GRIP2: variants seen among roughly 807,000 people sequenced by gnomAD.
GRIP2 encodes the protein glutamate receptor interacting protein 2.
In GRIP2, 58 loss-of-function variants were observed where a neutral mutation model predicts 108.3. The observed-to-expected ratio is 0.54, with a 90% CI of 0.43 to 0.67. GRIP2 has a LOEUF of 0.67. Ranked by LOEUF, GRIP2 falls within the 30% of genes least tolerant of loss-of-function variation. The pLI is 0.00. For missense variants in GRIP2, 1,278 were observed against 1,430.6 expected (o/e 0.89, Z 1.72); for synonymous variants, 586 against 598.2 (o/e 0.98, Z 0.30).
upstream of GRIP2, among the ~76,000 whole-genome samples, chr3:14,557,866 T>C (rs1349470872): frequency 6.6e-6 from 1 of 152,216 alleles, no homozygotes; most frequent in African/African-American, 2.4e-5. Flanking sequence ...TGCCTTAGTT[T>C]CCTCATCTGA....
intron 1 of GRIP2, among the ~76,000 whole-genome samples, chr3:14,549,317 C>T (rs1695105985): frequency 6.6e-6 from 1 of 152,208 alleles, no homozygotes; most frequent in Admixed American, 6.5e-5. Flanking sequence ...GAGCAGCCCA[C>T]CCTATTCCTG....
the GRIP2 span, among the ~76,000 whole-genome samples, chr3:14,564,778 T>TC: frequency 6.6e-6 from 1 of 152,152 alleles, no homozygotes; most frequent in Non-Finnish European, 1.5e-5. Flanking sequence ...TTAACCTTCT[T>TC]CAACACCCCA....
Position 14,514,413 on chromosome 3 carries a change from C to A in GRIP2, c.1372G>T (p.Val458Leu), listed in dbSNP as rs775435144. The A allele has an allele frequency of 6.3e-7, 1 of 1,575,066 alleles. No individual in the cohort carries two copies. The highest frequency in any genetic ancestry group is 8.6e-7 in the Non-Finnish European group (1 of 1,161,790). The change falls in exon 12 of 24, where the codon GTG (valine) becomes TTG (leucine). Residue 458 changes from valine (V) to leucine (L), a missense_variant. Physicochemically the swap from Val to Leu is conservative, Grantham distance 32 (BLOSUM62 1). Coordinates refer to ENST00000621039, the MANE Select transcript of GRIP2 (RefSeq NM_001080423.4). The part of the protein sequence containing the change: ...QIVHTETTEV[V>L]LCGDPLSGFG... ...CCGCTGAGGGGGTCTCCACAGAGCA[C>A]GACCTCCGTGGTCTCCGTGTGCACA...
chr3:14,572,408 C>G, the GRIP2 span, among the ~76,000 whole-genome samples: 1 of 151,198 alleles, frequency 6.6e-6, no homozygotes, highest in Admixed American at 6.6e-5. Flanking sequence ...GTCAGGAGAT[C>G]GAGACCATCC....
rs781405460 is a variant in GRIP2 at position 14,494,910 on chromosome 3, A to G, written c.2903T>C (p.Val968Ala). 1.2e-6 allele frequency: 2 copies of G among 1,613,948 alleles called. No homozygotes were observed. The highest frequency in any genetic ancestry group is 4.5e-5 in the East Asian group (2 of 44,868). The change falls in exon 23 of 24, where the codon GTC becomes GCC. Residue 968 changes from valine to alanine, a missense_variant. Coordinates refer to ENST00000621039, the MANE Select transcript of GRIP2 (RefSeq NM_001080423.4). ...SDGLLEKGVYVHTVRPDGPAH... is the reference protein window; with the variant it reads ...SDGLLEKGVYAHTVRPDGPAH... The stretch of plus-strand genomic sequence containing the variant: ...TGGCCCATCAGGGCGCACAGTGTGG[A>G]CATAGACACCTTTTTCCAGGAGGCC...
chr3:14,500,536 G>T (rs1333054879), intron 21 of GRIP2, among the ~76,000 whole-genome samples: 1 of 152,060 alleles, frequency 6.6e-6, no homozygotes, highest in East Asian at 1.9e-4. Context: ...AACCTAACAG[G>T]AGCAACGATC....
Position 14,511,325 on chromosome 3 carries a change from G to T in GRIP2, c.1788-15C>A, listed in dbSNP as rs375530470. ...GGGTGCCCGTCCTGCATGAGTCGGG[G>T]GCAGAGGGGATGGAAGGAGCCTGGT... On this transcript the variant is annotated splice_polypyrimidine_tract_variant and intron_variant, in intron 15 of 23. Coordinates refer to ENST00000621039, the MANE Select transcript of GRIP2 (RefSeq NM_001080423.4). This position sits in a 1 kb window ranked among gnomAD's most constrained non-coding sequence, Gnocchi z 4.1. 790 of 1,613,978 alleles carry T rather than the reference G, an allele frequency of 4.9e-4. 6 individuals carry two copies. In the African/African-American group the frequency reaches 9.7e-3, roughly 20 times the overall value.
intron 1 of GRIP2, among the ~76,000 whole-genome samples, chr3:14,529,321 T>C (rs1448814353): frequency 6.6e-6 from 1 of 150,546 alleles, no homozygotes; most frequent in Non-Finnish European, 1.5e-5. Flanking sequence ...ACTTGTATAA[T>C]GAATTGGTAT....
chr3:14,570,594 C>T, the GRIP2 span, among the ~76,000 whole-genome samples: 2 of 152,254 alleles, frequency 1.3e-5, 1 homozygote, highest in South Asian at 4.1e-4. Context: ...AGCAATTTCA[C>T]ACATTGCCAC....
chr3:14,598,456 A>G, the GRIP2 span, among the ~76,000 whole-genome samples: 1 of 151,546 alleles, frequency 6.6e-6, no homozygotes, highest in Non-Finnish European at 1.5e-5. Flanking sequence ...CCCCACCCCA[A>G]CCCAAGACTT....
At position 14,522,988 on chromosome 3, in the gene GRIP2, G is replaced by A. The variant is rs1694455260; in HGVS notation, c.566+12C>T. The stretch of plus-strand genomic sequence containing the variant: ...TCAGTGCAGTGTGTGGATTTCTTCT[G>A]CCTCGGCTCACCTGTCGGCAGGGCC... On this transcript the variant is annotated intron_variant, in intron 6 of 23. Coordinates refer to ENST00000621039, the MANE Select transcript of GRIP2 (RefSeq NM_001080423.4). The surrounding 1 kb of genome is among the most constrained non-coding windows in gnomAD (Gnocchi z 4.3). The A allele has an allele frequency of 6.2e-7, 1 of 1,612,798 alleles. No homozygotes were observed. The highest frequency in any genetic ancestry group is 8.5e-7 in the Non-Finnish European group (1 of 1,179,044).
intron 17 of GRIP2, among the ~76,000 whole-genome samples, chr3:14,509,391 C>T (rs2124879474): frequency 6.6e-6 from 1 of 152,368 alleles, no homozygotes; most frequent in South Asian, 2.1e-4. Context: ...TCAGCTGCCA[C>T]AGTTTCAGAG....
chr3:14,544,170 G>A (rs1695022818), upstream of GRIP2, among the ~76,000 whole-genome samples: 1 of 152,180 alleles, frequency 6.6e-6, no homozygotes, highest in Non-Finnish European at 1.5e-5. Context: ...TGCCCCTTGT[G>A]AGGAGTGAGG....
chr3:14,578,644 G>A, the GRIP2 span, among the ~76,000 whole-genome samples: 8 of 151,972 alleles, frequency 5.3e-5, no homozygotes, highest in East Asian at 1.5e-3. Flanking sequence ...TTAAGCCTGG[G>A]AGGCAAAGGT....
intron 22 of GRIP2, among the ~76,000 whole-genome samples, chr3:14,495,783 A>G (rs754854444): frequency 3.5e-4 from 53 of 152,180 alleles, no homozygotes; most frequent in Admixed American, 1.2e-3. Flanking sequence ...AAGGTGTGAG[A>G]TACATAGACG....
At position 14,492,388 on chromosome 3, in the gene GRIP2, C is replaced by G. The variant is rs1304539581; in HGVS notation, c.*1277G>C. Reference sequence around the variant, plus strand: ...CCCAGCCCTGGCTACACCTGCCCGCCCACTCCATCCCAGGCACCACTCACT... The same window carrying G: ...CCCAGCCCTGGCTACACCTGCCCGCGCACTCCATCCCAGGCACCACTCACT... On this transcript the variant is annotated 3_prime_UTR_variant, in exon 24 of 24. Transcript: ENST00000621039. 1 of 152,282 alleles carries G rather than the reference C, an allele frequency of 6.6e-6. No homozygotes were observed. The highest frequency in any genetic ancestry group is 6.5e-5 in the Admixed American group (1 of 15,290). 9.4% of individuals were successfully genotyped at this position (152,282 alleles called of 1,614,324 possible). A position where few individuals can be genotyped will look rare whatever the true frequency, so the allele number is the denominator to read the frequency against.
At chr3:14,494,760 A>G in intron 23 of GRIP2, 83 bp downstream of exon 23, 1 of 1,465,898 alleles carries the variant, frequency 6.8e-7, no homozygotes, top group Non-Finnish European at 9.1e-7. Context: ...CCCTCTTCAC[A>G]GGCGATAGAT....
intron 22 of GRIP2, 55 bp from the exon 23 acceptor site, chr3:14,495,044 C>G: frequency 6.3e-7 from 1 of 1,596,052 alleles, no homozygotes; most frequent in Non-Finnish European, 8.5e-7. Flanking sequence ...CCCCCAGCCT[C>G]TCACAGTAGC....
In GRIP2 at chr3:14,513,686, C is replaced by G. The variant is rs1014629497; in HGVS notation, c.1618G>C (p.Glu540Gln). 1.7e-5 allele frequency: 28 copies of G among 1,610,504 alleles called. No homozygotes were observed. In the African/African-American group the frequency reaches 3.6e-4, roughly 21 times the overall value. The change falls in exon 13 of 24, where the codon GAG becomes CAG. Residue 540 changes from glutamate to glutamine, a missense_variant. Coordinates refer to ENST00000621039, the MANE Select transcript of GRIP2 (RefSeq NM_001080423.4). ...TCACCCGCCACATCGAACTCCACCT[C>G]CAGCACGACCTTGTGGGCCAGTGCG... ...DAALAHKVVLEVEFDVAESVI... is the reference protein window; with the variant it reads ...DAALAHKVVLQVEFDVAESVI...
Sources: allele counts gnomAD v4.1 joint callset (sites outside exome capture counted in the v4.1 genomes callset), GRCh38; gene constraint gnomAD v4.1.1; non-coding constraint Gnocchi (gnomAD v3.1); transcripts MANE v1.5; gene names NCBI Gene and HGNC (gene_info 2026-07-23, HGNC 2026-07-21).